Variants in OPCML observed in about 807,000 individuals in gnomAD.
OPCML encodes opioid-binding protein/cell adhesion molecule.
Under a neutral mutation model 37.8 loss-of-function variants are expected in OPCML, and 13 were observed. The ratio of observed to expected loss-of-function variants is 0.34; its 90% confidence interval spans 0.22 to 0.55. OPCML has a LOEUF of 0.55. OPCML is among the 20% of genes least tolerant of loss of function. OPCML has a pLI of 0.91. For synonymous variants in OPCML, 176 were observed against 168.8 expected, an observed-to-expected ratio of 1.04 and a Z score of -0.33; for missense variants, 341 against 435.6, an observed-to-expected ratio of 0.78 and a Z score of 1.93.
intron 1 of OPCML, among the ~76,000 whole-genome samples, chr11:133,483,795 T>TGATAGATACATA (rs1947447538): frequency 7.6e-6 from 1 of 132,346 alleles, no homozygotes; most frequent in Non-Finnish European, 1.6e-5. Context: ...GATACATAGA[T>TGATAGATACATA]GATAGATAGA....
chr11:132,518,986 T>C (rs971728905), intron 4 of OPCML, among the ~76,000 whole-genome samples: 1 of 152,192 alleles, frequency 6.6e-6, no homozygotes, highest in African/African-American at 2.4e-5. Context: ...ACAAGTGATA[T>C]CCATTCTCAT....
At chr11:132,589,106 T>C (rs1439281212) in intron 3 of OPCML, among the ~76,000 whole-genome samples, 1 of 152,208 alleles carries the variant, frequency 6.6e-6, no homozygotes, top group Non-Finnish European at 1.5e-5. Context: ...CCTCCATCAG[T>C]TATGAAAATT....
intron 1 of OPCML, among the ~76,000 whole-genome samples, chr11:132,961,766 G>T (rs1429429324): frequency 1.3e-5 from 2 of 152,164 alleles, no homozygotes; most frequent in Admixed American, 1.3e-4. Context: ...GCCATTGCTG[G>T]ACCACTGGCC....
chr11:132,456,891 C>A (rs899366910), intron 4 of OPCML, among the ~76,000 whole-genome samples: 1 of 152,218 alleles, frequency 6.6e-6, no homozygotes, highest in African/African-American at 2.4e-5. Context: ...ATTAATCTGT[C>A]AATGCCTGCA....
chr11:132,980,097 A>G (rs1177039137), intron 1 of OPCML, among the ~76,000 whole-genome samples: 1 of 152,210 alleles, frequency 6.6e-6, no homozygotes, highest in Non-Finnish European at 1.5e-5. Context: ...AATAAGAGAT[A>G]AAAGAAATAC....
intron 1 of OPCML, among the ~76,000 whole-genome samples, chr11:133,479,950 C>A (rs1947337831): frequency 6.6e-6 from 1 of 152,174 alleles, no homozygotes; most frequent in African/African-American, 2.4e-5. Flanking sequence ...GAGCACCACC[C>A]AAGGAGCCAG....
At chr11:132,499,664 A>G (rs2096241523) in intron 4 of OPCML, among the ~76,000 whole-genome samples, 1 of 152,178 alleles carries the variant, frequency 6.6e-6, no homozygotes, top group South Asian at 2.1e-4. Context: ...TAGACAATTG[A>G]TTTCCTCTCT....
At chr11:132,459,131 C>T (rs546689386) in intron 4 of OPCML, among the ~76,000 whole-genome samples, 1 of 152,260 alleles carries the variant, frequency 6.6e-6, no homozygotes, top group African/African-American at 2.4e-5. Flanking sequence ...GGAGAGTTTG[C>T]TCTTTCTGCC....
At chr11:132,942,808 G>A (rs1181662296) in intron 2 of OPCML, 118 bp downstream of exon 2, 5 of 1,354,444 alleles carry the variant, frequency 3.7e-6, no homozygotes, top group Non-Finnish European at 4.1e-6. Flanking sequence ...CGCCCCTCGG[G>A]CCTGCACAAG....
At chr11:132,496,163 G>A (rs2155389) in intron 4 of OPCML, among the ~76,000 whole-genome samples, 17,476 of 152,172 alleles carry the variant, frequency 0.11, 1,491 homozygotes, top group East Asian at 0.37. Flanking sequence ...ATACTCTTCA[G>A]AGCCTCAGTC....
intron 1 of OPCML, among the ~76,000 whole-genome samples, chr11:133,282,670 A>T (rs528969668): frequency 9.8e-5 from 15 of 152,316 alleles, no homozygotes; most frequent in African/African-American, 3.6e-4. Flanking sequence ...TGATGGAGCC[A>T]TGAGCAGCTT....
At chr11:133,484,080 A>T (rs149578763) in intron 1 of OPCML, among the ~76,000 whole-genome samples, 6,529 of 128,224 alleles carry the variant, frequency 0.051, 218 homozygotes, top group African/African-American at 0.14. Context: ...ATAGATAGAT[A>T]GATTCATAGA....
intron 1 of OPCML, among the ~76,000 whole-genome samples, chr11:133,149,839 A>G (rs76810656): frequency 0.02 from 3,002 of 152,310 alleles, 80 homozygotes; most frequent in African/African-American, 0.069. Context: ...CATTCACAGG[A>G]GGATCGTCTG....
chr11:133,019,901 A>G (rs1474995566), intron 1 of OPCML, among the ~76,000 whole-genome samples: 2 of 152,202 alleles, frequency 1.3e-5, no homozygotes, highest in African/African-American at 4.8e-5. Flanking sequence ...GGTCCACTCA[A>G]CCACACGCAC....
intron 1 of OPCML, among the ~76,000 whole-genome samples, chr11:133,440,198 C>T (rs2136936684): frequency 6.6e-6 from 1 of 151,674 alleles, no homozygotes; most frequent in African/African-American, 2.4e-5. Flanking sequence ...AGTTTGAGAC[C>T]AGCCTGACTA....
intron 4 of OPCML, among the ~76,000 whole-genome samples, chr11:132,511,444 A>T (rs2137182266): frequency 6.6e-6 from 1 of 152,250 alleles, no homozygotes; most frequent in East Asian, 1.9e-4. Flanking sequence ...ATGAAAATAC[A>T]AAGGACATAG....
Position 132,430,676 on chromosome 11 carries a change from C to G in OPCML, c.916+5410G>C, listed in dbSNP as rs1055236422. Among the ~76,000 whole-genome samples, 8 of 152,262 alleles carry G rather than the reference C, an allele frequency of 5.3e-5. No individual in the cohort carries two copies. In the South Asian group the frequency reaches 1.7e-3, roughly 32 times the overall value. On this transcript the variant is annotated intron_variant, in intron 7 of 7. Transcript: ENST00000524381. The stretch of plus-strand genomic sequence containing the variant: ...AGTTGTCCCTGCGCCCTACACTTAA[C>G]TCTTAATGTAACTGATTTGTGTCGC...
At chr11:132,890,071 T>C (rs1036873443) in intron 2 of OPCML, among the ~76,000 whole-genome samples, 2 of 152,176 alleles carry the variant, frequency 1.3e-5, no homozygotes, top group East Asian at 3.9e-4. Context: ...CTTTTTATCT[T>C]TGTGGGGCCT....
chr11:133,261,856 G>C (rs750383379), intron 1 of OPCML, among the ~76,000 whole-genome samples: 6 of 152,094 alleles, frequency 3.9e-5, no homozygotes, highest in Non-Finnish European at 8.8e-5. Flanking sequence ...GGAATGCAGC[G>C]GGCAGGAGCA....
Sources: allele counts gnomAD v4.1 joint callset (sites outside exome capture counted in the v4.1 genomes callset), GRCh38; gene constraint gnomAD v4.1.1; transcripts MANE v1.5; gene names NCBI Gene and HGNC (gene_info 2026-07-23, HGNC 2026-07-21).